The following ADGRB3 variants were observed in gnomAD, a reference collection of about 807,000 sequenced individuals.
ADGRB3 encodes adhesion G protein-coupled receptor B3, also known as brain-specific angiogenesis inhibitor 3.
ADGRB3 carries 37 observed loss-of-function variants against 193.4 expected under a neutral mutation model. The observed-to-expected ratio is 0.19, with a 90% CI of 0.15 to 0.25. The LOEUF is 0.25. Ranked by LOEUF, ADGRB3 falls within the 10% of genes least tolerant of loss-of-function variation. ADGRB3 has a pLI of 1.00. For synonymous variants in ADGRB3, 690 were observed against 644.2 expected (o/e 1.07, Z -1.08); for missense variants, 1,637 against 1,852.9 (o/e 0.88, Z 2.14).
chr6:68,850,411 C>G (rs934582862), intron 3 of ADGRB3, among the ~76,000 whole-genome samples: 1 of 151,834 alleles, frequency 6.6e-6, no homozygotes, highest in Non-Finnish European at 1.5e-5. Context: ...AGGGTGCAGA[C>G]GTTGTTTTAT....
intron 3 of ADGRB3, among the ~76,000 whole-genome samples, chr6:68,874,744 A>T (rs1765544019): frequency 6.6e-6 from 1 of 152,190 alleles, no homozygotes; most frequent in Non-Finnish European, 1.5e-5. Context: ...TTAATTTTAA[A>T]CACTGATGAC....
chr6:68,868,663 GATTTT>G (rs1417587123), intron 3 of ADGRB3, among the ~76,000 whole-genome samples: 3 of 152,074 alleles, frequency 2.0e-5, no homozygotes, highest in Admixed American at 6.6e-5. Flanking sequence ...GCTATTTATA[GATTTT>G]ATTTTGGGAA....
chr6:68,687,865 C>T (rs1241578483), intron 3 of ADGRB3, among the ~76,000 whole-genome samples: 1 of 152,020 alleles, frequency 6.6e-6, no homozygotes, highest in Non-Finnish European at 1.5e-5. Context: ...CTGCAAGTTC[C>T]CAAGATTATT....
chr6:68,949,087 A>G (rs991898637), intron 6 of ADGRB3, among the ~76,000 whole-genome samples: 4 of 152,066 alleles, frequency 2.6e-5, no homozygotes, highest in African/African-American at 9.7e-5. Flanking sequence ...GATGTAGAGG[A>G]TTTTTTAATG....
chr6:69,172,594 A>G (rs1775302053), intron 17 of ADGRB3, among the ~76,000 whole-genome samples: 1 of 131,916 alleles, frequency 7.6e-6, no homozygotes, highest in East Asian at 2.7e-4. Flanking sequence ...CAGTGAGTCG[A>G]GATTGCGCCA....
chr6:69,211,197 T>C (rs1292523436), intron 17 of ADGRB3, among the ~76,000 whole-genome samples: 2 of 152,082 alleles, frequency 1.3e-5, no homozygotes, highest in Admixed American at 6.6e-5. Flanking sequence ...AGGGAGAAAG[T>C]TCTCTTTGTT....
intron 13 of ADGRB3, among the ~76,000 whole-genome samples, chr6:69,031,572 C>T (rs1770707470): frequency 1.3e-3 from 2 of 1,542 alleles, no homozygotes; most frequent in African/African-American, 1.6e-3. Context: ...TCTTTTCTTC[C>T]TCTGTCTCTG....
chr6:69,102,365 A>G (rs1773084317), intron 17 of ADGRB3, among the ~76,000 whole-genome samples: 1 of 152,128 alleles, frequency 6.6e-6, no homozygotes, highest in South Asian at 2.1e-4. Context: ...TATGGTGAGT[A>G]CCCTAGAATG....
At chr6:68,835,251 G>A (rs1319519422) in intron 3 of ADGRB3, among the ~76,000 whole-genome samples, 1 of 152,122 alleles carries the variant, frequency 6.6e-6, no homozygotes, top group African/African-American at 2.4e-5. Flanking sequence ...ACCTCACAGA[G>A]GGTCTAGGCG....
At chr6:68,706,693 A>ACTTTAAGTCTCAT (rs2127312985) in intron 3 of ADGRB3, among the ~76,000 whole-genome samples, 1 of 152,364 alleles carries the variant, frequency 6.6e-6, no homozygotes, top group African/African-American at 2.4e-5. Flanking sequence ...AGTTCTGAGA[A>ACTTTAAGTCTCAT]TAAGTTTGGG....
chr6:69,225,767 A>G (rs1021091844), intron 17 of ADGRB3, among the ~76,000 whole-genome samples: 11 of 152,148 alleles, frequency 7.2e-5, no homozygotes, highest in African/African-American at 1.7e-4. Flanking sequence ...GGAAATAACA[A>G]TAATATTTAC....
At chr6:68,639,458 G>T (rs373855805) in intron 3 of ADGRB3, 26 bp downstream of exon 3, 2 of 1,560,724 alleles carry the variant, frequency 1.3e-6, no homozygotes, top group South Asian at 1.2e-5. Context: ...AGGGGAAGGT[G>T]AGCGGGGGAG....
intron 3 of ADGRB3, among the ~76,000 whole-genome samples, chr6:68,721,862 G>C (rs1212659531): frequency 6.6e-6 from 1 of 150,954 alleles, no homozygotes; most frequent in African/African-American, 2.4e-5. Flanking sequence ...GGGAGAACAA[G>C]ACAATAAAAA....
At chr6:69,067,934 G>A (rs980066805) in intron 16 of ADGRB3, among the ~76,000 whole-genome samples, 2 of 152,044 alleles carry the variant, frequency 1.3e-5, no homozygotes, top group Admixed American at 1.3e-4. Context: ...GGAGCAGGGG[G>A]TCAGCAAACT....
At chr6:69,042,852 C>T (rs947361734) in intron 13 of ADGRB3, among the ~76,000 whole-genome samples, 5 of 152,120 alleles carry the variant, frequency 3.3e-5, no homozygotes, top group South Asian at 4.1e-4. Flanking sequence ...TTGAAAACAT[C>T]AGTATAAGGC....
intron 3 of ADGRB3, among the ~76,000 whole-genome samples, chr6:68,876,816 T>C (rs575890261): frequency 2.0e-5 from 3 of 152,308 alleles, no homozygotes; most frequent in Admixed American, 2.0e-4. Flanking sequence ...CAAACTGTTA[T>C]GTATTTTTAG....
At chr6:69,291,055 A>G (rs945042252) in intron 20 of ADGRB3, among the ~76,000 whole-genome samples, 1 of 152,192 alleles carries the variant, frequency 6.6e-6, no homozygotes, top group African/African-American at 2.4e-5. Context: ...GGAATAAAAT[A>G]TTTAAAACTG....
rs562555327 is a variant in ADGRB3, at chr6:69,295,816, A to G, written c.2815-29056A>G. On this transcript the variant is annotated intron_variant, in intron 20 of 31. Transcript: ENST00000370598. ...AAGTCAATAACCTGCAAACCATACAATCAACCTCACTGCCATGAATTGAAG... is the reference window on the plus strand; with the variant it reads ...AAGTCAATAACCTGCAAACCATACAGTCAACCTCACTGCCATGAATTGAAG... Among the ~76,000 whole-genome samples the G allele has an allele frequency of 1.9e-3, 286 of 152,272 alleles. 1 individual carries two copies. Among genetic ancestry groups the G allele is most frequent in the African/African-American group, 6.6e-3 (273 of 41,566 alleles).
At chr6:69,101,131 C>G (rs903183415) in intron 17 of ADGRB3, among the ~76,000 whole-genome samples, 6 of 151,904 alleles carry the variant, frequency 3.9e-5, no homozygotes, top group Admixed American at 1.3e-4. Context: ...CCTTACCACT[C>G]TTTAGTGGTT....
Sources: gnomAD v4.1 joint callset for allele counts (sites outside exome capture counted in the v4.1 genomes callset) on GRCh38, gnomAD v4.1.1 for gene constraint, MANE v1.5 for transcripts, NCBI Gene and HGNC (gene_info 2026-07-23, HGNC 2026-07-21) for gene names.